LRP1B: variants seen among roughly 807,000 people sequenced by gnomAD.
LRP1B encodes the protein LDL receptor related protein 1B, also known as low-density lipoprotein receptor-related protein 1B.
A neutral mutation model predicts 556.6 loss-of-function variants in LRP1B; 217 were observed. The observed-to-expected ratio is 0.39, with a 90% CI of 0.35 to 0.44. LRP1B has a LOEUF of 0.44. Ranked by LOEUF, LRP1B falls within the 20% of genes least tolerant of loss-of-function variation. The pLI is 1.00. For synonymous variants in LRP1B, 2,047 were observed against 1,865.8 expected (o/e 1.10, Z -2.50); for missense variants, 5,053 against 5,620.8 (o/e 0.90, Z 3.23).
chr2:141,170,367 G>C (rs550040160), intron 7 of LRP1B, among the ~76,000 whole-genome samples: 1 of 152,174 alleles, frequency 6.6e-6, no homozygotes, highest in South Asian at 2.1e-4. Flanking sequence ...GAGAAAGCAT[G>C]GTTATGGGGA....
At chr2:140,981,075 G>C (rs568032401) in intron 18 of LRP1B, among the ~76,000 whole-genome samples, 1 of 151,916 alleles carries the variant, frequency 6.6e-6, no homozygotes, top group African/African-American at 2.4e-5. Context: ...TGATGTAATA[G>C]ACTGTGGGGA....
At position 140,868,040 on chromosome 2, in the gene LRP1B, A is replaced by G. The variant is rs1693006270; in HGVS notation, c.4334+59T>C. The G allele has an allele frequency of 3.3e-6, 5 of 1,508,050 alleles. No individual in the cohort carries two copies. The South Asian group carries it at 4.0e-5, about 12-fold the overall frequency. The allele number at this position is 1,508,050 out of a possible 1,614,324, so 93.4% of individuals were successfully genotyped here. A position where few individuals can be genotyped will look rare whatever the true frequency, so the allele number is the denominator to read the frequency against. ...TACTGACATGTTAGGACACTTTCCA[A>G]TGTTGTAAATATTATCTAAGTAAAA... is the stretch of plus-strand genomic sequence containing the variant. On this transcript the variant is annotated intron_variant, in intron 26 of 90. Transcript: ENST00000389484.
At chr2:141,874,792 C>T (rs1698703220) in intron 1 of LRP1B, among the ~76,000 whole-genome samples, 1 of 151,678 alleles carries the variant, frequency 6.6e-6, no homozygotes, top group South Asian at 2.1e-4. Context: ...TTTTTATTTC[C>T]CATGGGATTA....
chr2:141,431,102 T>C (rs1221606576), intron 3 of LRP1B, among the ~76,000 whole-genome samples: 2 of 151,732 alleles, frequency 1.3e-5, no homozygotes, highest in Non-Finnish European at 2.9e-5. Context: ...TGCCACTGCA[T>C]GCTAGCCTGA....
In LRP1B at chr2:141,527,480, A is replaced by T. The variant is rs951052786; in HGVS notation, c.206-46947T>A. 8.6e-4 allele frequency among the ~76,000 whole-genome samples: 131 copies of T among 152,028 alleles called. 1 individual carries two copies. The highest frequency in any genetic ancestry group is 1.6e-3 in the Non-Finnish European group (110 of 67,984). ...ATTTAGTAACTCTTCATTACTTGCC[A>T]TCATTATAGATTTATTATATCAAGC... is the stretch of plus-strand genomic sequence containing the variant. On this transcript the variant is annotated intron_variant, in intron 2 of 90. Transcript: ENST00000389484.
At chr2:141,998,597 A>G (rs151208105) in intron 1 of LRP1B, among the ~76,000 whole-genome samples, 2,612 of 152,348 alleles carry the variant, frequency 0.017, 20 homozygotes, top group Admixed American at 0.024. Context: ...GGACGTGTCT[A>G]TGACATAGCC....
intron 1 of LRP1B, among the ~76,000 whole-genome samples, chr2:142,035,303 A>G (rs1185828100): frequency 1.3e-5 from 2 of 151,602 alleles, no homozygotes; most frequent in Non-Finnish European, 3.0e-5. Flanking sequence ...CTATGGCGAT[A>G]CTCCAGCTAT....
intron 1 of LRP1B, among the ~76,000 whole-genome samples, chr2:142,090,114 A>G (rs1706107525): frequency 6.6e-6 from 1 of 152,144 alleles, no homozygotes; most frequent in Non-Finnish European, 1.5e-5. Context: ...TTACAGCATG[A>G]TTTTATCAGC....
chr2:140,540,530 T>C (rs1462462494), intron 45 of LRP1B, among the ~76,000 whole-genome samples: 1 of 152,122 alleles, frequency 6.6e-6, no homozygotes, highest in Non-Finnish European at 1.5e-5. Flanking sequence ...TGATTACACA[T>C]AAGCTGCATG....
chr2:141,070,141 T>C (rs949962769), intron 7 of LRP1B, among the ~76,000 whole-genome samples: 1 of 151,902 alleles, frequency 6.6e-6, no homozygotes, highest in Non-Finnish European at 1.5e-5. Context: ...ACTCATCATT[T>C]TTTATGGCTG....
intron 41 of LRP1B, among the ~76,000 whole-genome samples, chr2:140,658,790 A>G (rs1353249683): frequency 7.2e-5 from 11 of 151,962 alleles, no homozygotes; most frequent in Non-Finnish European, 5.9e-5. Flanking sequence ...GGAACATGTG[A>G]GATAATAGGT....
chr2:142,000,298 T>C (rs1219612980), intron 1 of LRP1B, among the ~76,000 whole-genome samples: 1 of 152,156 alleles, frequency 6.6e-6, no homozygotes, highest in East Asian at 1.9e-4. Context: ...TCAGTTACAC[T>C]CTGGGCCATG....
At chr2:141,766,636 C>T (rs1694741491) in intron 2 of LRP1B, among the ~76,000 whole-genome samples, 2 of 152,166 alleles carry the variant, frequency 1.3e-5, no homozygotes, top group Admixed American at 1.3e-4. Context: ...CAAATCAAAA[C>T]TAATGCACAA....
chr2:141,211,674 C>T (rs549400468), intron 6 of LRP1B, among the ~76,000 whole-genome samples: 18 of 152,110 alleles, frequency 1.2e-4, no homozygotes, highest in African/African-American at 2.9e-4. Context: ...TGGCTATGTA[C>T]GGATCATAAA....
chr2:141,314,614 AC>A (rs1337552335), intron 3 of LRP1B, among the ~76,000 whole-genome samples: 1 of 150,820 alleles, frequency 6.6e-6, no homozygotes, highest in Non-Finnish European at 1.5e-5. Context: ...ACATGATGAA[AC>A]CCCGTTTCTA....
At chr2:141,798,995 C>T (rs1248044995) in intron 2 of LRP1B, among the ~76,000 whole-genome samples, 2 of 152,012 alleles carry the variant, frequency 1.3e-5, no homozygotes, top group Non-Finnish European at 2.9e-5. Flanking sequence ...AGACAGCCAC[C>T]TGCAAGCCAA....
At chr2:140,414,095 T>G (rs2105252753) in intron 66 of LRP1B, among the ~76,000 whole-genome samples, 1 of 152,222 alleles carries the variant, frequency 6.6e-6, no homozygotes, top group South Asian at 2.1e-4. Flanking sequence ...GGTTTATTTT[T>G]TGTAGAAACA....
chr2:140,285,747 C>T (rs1683119350), intron 84 of LRP1B, among the ~76,000 whole-genome samples: 1 of 151,640 alleles, frequency 6.6e-6, no homozygotes, highest in South Asian at 2.1e-4. Context: ...TGTAATTAAT[C>T]AATAAAATAC....
intron 21 of LRP1B, among the ~76,000 whole-genome samples, chr2:140,921,404 A>G (rs1694733424): frequency 6.6e-6 from 1 of 151,992 alleles, no homozygotes; most frequent in Non-Finnish European, 1.5e-5. Flanking sequence ...AATCAGGAAA[A>G]TGCCAGAAGT....
Sources: gnomAD v4.1 joint callset for allele counts (sites outside exome capture counted in the v4.1 genomes callset) on GRCh38, gnomAD v4.1.1 for gene constraint, MANE v1.5 for transcripts, NCBI Gene and HGNC (gene_info 2026-07-23, HGNC 2026-07-21) for gene names.